Variants in C1GALT1 observed in about 807,000 individuals in gnomAD.
The protein encoded by C1GALT1 is core 1 synthase, glycoprotein-N-acetylgalactosamine 3-beta-galactosyltransferase 1, also known as glycoprotein-N-acetylgalactosamine 3-beta-galactosyltransferase 1.
C1GALT1 carries 11 observed loss-of-function variants against 31.0 expected under a neutral mutation model. That is an observed-to-expected ratio of 0.36 (90% confidence interval 0.22 to 0.59). The LOEUF is 0.59. Ranked by LOEUF, C1GALT1 falls within the 20% of genes least tolerant of loss-of-function variation. The pLI, the probability that C1GALT1 is intolerant of heterozygous loss-of-function variation, is 0.79. For synonymous variants in C1GALT1, 175 were observed against 143.6 expected (o/e 1.22, Z -1.56); for missense variants, 424 against 425.2 (o/e 1.00, Z 0.03).
intron 1 of C1GALT1, among the ~76,000 whole-genome samples, chr7:7,202,825 C>G (rs1583772471): frequency 6.6e-6 from 1 of 152,262 alleles, no homozygotes; most frequent in Admixed American, 6.5e-5. Context: ...GTATTGACAT[C>G]TTAACAATAT....
chr7:7,172,447 C>T (rs914462060), intron 2 of C1GALT1, among the ~76,000 whole-genome samples: 1 of 151,960 alleles, frequency 6.6e-6, no homozygotes, highest in East Asian at 1.9e-4. Context: ...TGAGTTTATC[C>T]AGCTTGGAGT....
chr7:7,195,674 C>G (rs977178433), intron 1 of C1GALT1, among the ~76,000 whole-genome samples: 1 of 152,092 alleles, frequency 6.6e-6, no homozygotes, highest in Non-Finnish European at 1.5e-5. Flanking sequence ...CTGTAAATGT[C>G]TGTTAAGTCA....
At chr7:7,205,384 A>G (rs930431615) in intron 1 of C1GALT1, among the ~76,000 whole-genome samples, 2 of 152,194 alleles carry the variant, frequency 1.3e-5, no homozygotes, top group Admixed American at 6.5e-5. Flanking sequence ...CTGTGTTCTT[A>G]TGATAAACTA....
At chr7:7,158,310 A>G (rs1451596259) in intron 2 of C1GALT1, among the ~76,000 whole-genome samples, 5 of 152,082 alleles carry the variant, frequency 3.3e-5, no homozygotes, top group Non-Finnish European at 4.4e-5. Flanking sequence ...GTCTAATTCA[A>G]TCAGCATTCC....
At chr7:7,176,003 G>T (rs1053633643) in intron 2 of C1GALT1, among the ~76,000 whole-genome samples, 2 of 152,104 alleles carry the variant, frequency 1.3e-5, no homozygotes, top group African/African-American at 4.8e-5. Context: ...ACACATAGAG[G>T]TTCCCAGAGG....
At chr7:7,210,918 C>G (rs914632117) in intron 1 of C1GALT1, among the ~76,000 whole-genome samples, 1 of 152,178 alleles carries the variant, frequency 6.6e-6, no homozygotes, top group Admixed American at 6.5e-5. Context: ...CCAAGGACCC[C>G]TTTTTCTTCT....
In C1GALT1 at chr7:7,246,001, G is replaced by C. The variant is rs1468605046; in HGVS notation, c.*2274G>C. 2 of 152,170 alleles carry C rather than the reference G, an allele frequency of 1.3e-5. No homozygotes were observed. Among genetic ancestry groups the C allele is most frequent in the Non-Finnish European group, 2.9e-5 (2 of 68,036 alleles). 9.4% of individuals were successfully genotyped at this position (152,170 alleles called of 1,614,324 possible). ...GAACATTGATAGGGAGCAATAAATA[G>C]AAGATTGTATTATTATTCTGTTACC... On this transcript the variant is annotated 3_prime_UTR_variant, in exon 4 of 4. Transcript: ENST00000436587.
At chr7:7,172,090 T>C (rs2128227449) in intron 2 of C1GALT1, among the ~76,000 whole-genome samples, 1 of 152,340 alleles carries the variant, frequency 6.6e-6, no homozygotes, top group South Asian at 2.1e-4. Context: ...CTGGCTAGTG[T>C]CTTTTCATTT....
chr7:7,238,943 A>C lies in C1GALT1; in HGVS notation c.888+21A>C. On this transcript the variant is annotated intron_variant, in intron 3 of 3. Coordinates refer to ENST00000436587, the MANE Select transcript of C1GALT1 (RefSeq NM_020156.5). This position sits in a 1 kb window ranked among gnomAD's most constrained non-coding sequence, Gnocchi z 5.2. ...TAGAGGTAAGTTTAGAAATTTTATT[A>C]CTATGTCAATACTTGGACTGACTGA... The C allele has an allele frequency of 6.4e-7, 1 of 1,568,100 alleles. No individual in the cohort carries two copies. The highest frequency in any genetic ancestry group is 1.2e-5 in the South Asian group (1 of 86,370).
At chr7:7,162,983 T>C (rs917154368) in intron 2 of C1GALT1, among the ~76,000 whole-genome samples, 2 of 152,234 alleles carry the variant, frequency 1.3e-5, no homozygotes, top group African/African-American at 4.8e-5. Context: ...TCTTGTAAAT[T>C]TGTTTGAGTT....
At chr7:7,243,205 C>T (rs1028628243) in intron 3 of C1GALT1, among the ~76,000 whole-genome samples, 3 of 152,098 alleles carry the variant, frequency 2.0e-5, no homozygotes, top group East Asian at 1.9e-4. Flanking sequence ...GAGATTTCTC[C>T]TTGTATAGCT....
rs1782372771 is a variant in C1GALT1, at chr7:7,218,835, T to C, written c.-17-15468T>C. On this transcript the variant is annotated intron_variant, in intron 1 of 3. Coordinates refer to ENST00000436587, the MANE Select transcript of C1GALT1 (RefSeq NM_020156.5). ...TGGTATACATCTCAAACCGTGTTTCTATTTTTTTTTTTTTTTGAGATGGAG... is the reference window on the plus strand; with the variant it reads ...TGGTATACATCTCAAACCGTGTTTCCATTTTTTTTTTTTTTTGAGATGGAG... Among the ~76,000 whole-genome samples the C allele has an allele frequency of 2.1e-5, 3 of 146,022 alleles. No individual in the cohort carries two copies. The South Asian group carries it at 6.3e-4, about 30-fold the overall frequency.
At chr7:7,197,139 T>C (rs1781326178) in intron 1 of C1GALT1, among the ~76,000 whole-genome samples, 2 of 152,216 alleles carry the variant, frequency 1.3e-5, no homozygotes, top group Admixed American at 1.3e-4. Flanking sequence ...TGAATGGTAT[T>C]GCCTAGGTTT....
intron 1 of C1GALT1, among the ~76,000 whole-genome samples, chr7:7,229,249 G>A (rs994362558): frequency 3.3e-5 from 5 of 152,082 alleles, no homozygotes; most frequent in African/African-American, 1.2e-4. Flanking sequence ...TGGTATTAAG[G>A]CAAAATCACA....
chr7:7,168,209 A>T (rs1780418028), intron 2 of C1GALT1, among the ~76,000 whole-genome samples: 1 of 152,204 alleles, frequency 6.6e-6, no homozygotes, highest in Admixed American at 6.5e-5. Flanking sequence ...TTTAGAAAAG[A>T]TGCAGGTTAG....
chr7:7,240,565 G>A (rs1181357147), intron 3 of C1GALT1, among the ~76,000 whole-genome samples: 1 of 152,060 alleles, frequency 6.6e-6, no homozygotes, highest in Non-Finnish European at 1.5e-5. Context: ...ATATAAACAT[G>A]TAGCAAATAC....
intron 3 of C1GALT1, 55 bp from the exon 4 acceptor site, chr7:7,243,469 T>C (rs953194838): frequency 1.5e-6 from 2 of 1,342,068 alleles, no homozygotes; most frequent in Admixed American, 2.3e-5. Context: ...TATGTAAATA[T>C]TGTAGCTAGC....
rs1306958149 is a variant in C1GALT1 at position 7,243,861 on chromosome 7, G to A, written c.*134G>A. 1 of 631,316 alleles carries A rather than the reference G, an allele frequency of 1.6e-6. No individual in the cohort carries two copies. Among genetic ancestry groups the A allele is most frequent in the Non-Finnish European group, 2.6e-6 (1 of 379,968 alleles). 39.1% of individuals were successfully genotyped at this position (631,316 alleles called of 1,614,324 possible). A position where few individuals can be genotyped will look rare whatever the true frequency, so the allele number is the denominator to read the frequency against. ...CATTCCTTATAGAAACCTTTCACAT[G>A]AATGACTATAAACTGAAGCTTTAAA... On this transcript the variant is annotated 3_prime_UTR_variant, in exon 4 of 4. Coordinates refer to ENST00000436587, the MANE Select transcript of C1GALT1 (RefSeq NM_020156.5).
intron 1 of C1GALT1, among the ~76,000 whole-genome samples, chr7:7,194,579 T>C (rs983927464): frequency 1.3e-5 from 2 of 152,152 alleles, no homozygotes; most frequent in African/African-American, 4.8e-5. Flanking sequence ...CTAGCTAGTA[T>C]TTTGTTGAGG....
Sources: allele counts gnomAD v4.1 joint callset (sites outside exome capture counted in the v4.1 genomes callset), GRCh38; gene constraint gnomAD v4.1.1; non-coding constraint Gnocchi (gnomAD v3.1); transcripts MANE v1.5; gene names NCBI Gene and HGNC (gene_info 2026-07-23, HGNC 2026-07-21).